Variants in NOTCH2NLB observed in about 807,000 individuals in gnomAD.
NOTCH2NLB encodes the protein notch 2 N-terminal like B.
NOTCH2NLB carries 1 observed loss-of-function variant against 14.8 expected under a neutral mutation model. The ratio of observed to expected loss-of-function variants is 0.07; its 90% CI spans 0.02 to 0.32. The LOEUF (loss-of-function observed/expected upper bound fraction) is 0.32, where lower values mean the gene tolerates loss of function less well. Among genes scored for constraint, NOTCH2NLB ranks in the 10% least tolerant of loss-of-function variants. The pLI is 1.00. For missense variants in NOTCH2NLB, 11 were observed against 155.0 expected, an observed-to-expected ratio of 0.07 and a Z score of 4.93; for synonymous variants, 6 against 57.5, an observed-to-expected ratio of 0.10 and a Z score of 4.05.
intron 1 of NOTCH2NLB, among the ~76,000 whole-genome samples, chr1:148,670,539 A>ATAT (rs1553341886): frequency 4.5e-4 from 42 of 93,400 alleles, no homozygotes; most frequent in African/African-American, 1.6e-3. Flanking sequence ...TAAAAAAAAA[A>ATAT]ATATATATAT....
At chr1:148,646,821 G>A (rs1664385428) in intron 1 of NOTCH2NLB, among the ~76,000 whole-genome samples, 1 of 149,310 alleles carries the variant, frequency 6.7e-6, no homozygotes, top group Non-Finnish European at 1.5e-5. Flanking sequence ...TATTTATTCA[G>A]GTTTATCAGC....
At position 148,629,590 on chromosome 1, in the gene NOTCH2NLB, CAG is replaced by C. The variant is rs1360609000; in HGVS notation, c.77+10424_77+10425del. On this transcript the variant is annotated intron_variant, in intron 2 of 4. Transcript: ENST00000593495. ...GGCCATGAGTTTCAGCAATACGAGA[CAG>C]AGAATCAGACAACACAAACATTGTA... Among the ~76,000 whole-genome samples, 5 of 116,902 alleles carry C rather than the reference CAG, an allele frequency of 4.3e-5. 1 individual carries two copies. The highest frequency in any genetic ancestry group is 1.6e-4 in the African/African-American group (4 of 25,468). The allele number at this position is 116,902 out of a possible 152,430, so 76.7% of individuals were successfully genotyped here.
chr1:148,610,373 G>GAAAA (rs1484773225), intron 3 of NOTCH2NLB, among the ~76,000 whole-genome samples: 1 of 89,188 alleles, frequency 1.1e-5, no homozygotes, highest in Non-Finnish European at 2.3e-5. Flanking sequence ...AAGAAAGAAA[G>GAAAA]AGAAAGAAAG....
intron 1 of NOTCH2NLB, among the ~76,000 whole-genome samples, chr1:148,670,139 A>G (rs1489964227): frequency 2.2e-5 from 2 of 92,404 alleles, no homozygotes; most frequent in African/African-American, 6.9e-5. Flanking sequence ...CCAAAGGATT[A>G]AAAAAAATTA....
At chr1:148,637,545 T>C (rs1664234854) in intron 2 of NOTCH2NLB, among the ~76,000 whole-genome samples, 1 of 147,844 alleles carries the variant, frequency 6.8e-6, no homozygotes, top group African/African-American at 2.5e-5. Flanking sequence ...TGTATGGTAT[T>C]ACCACCCTGA....
At chr1:148,660,518 C>G (rs1287145680) in intron 1 of NOTCH2NLB, among the ~76,000 whole-genome samples, 2 of 147,306 alleles carry the variant, frequency 1.4e-5, no homozygotes, top group African/African-American at 2.5e-5. Flanking sequence ...TCATGTGACT[C>G]TGCATTAGAT....
chr1:148,608,882 G>GA (rs1339993521), intron 3 of NOTCH2NLB, among the ~76,000 whole-genome samples: 7 of 141,554 alleles, frequency 4.9e-5, no homozygotes, highest in African/African-American at 1.9e-4. Flanking sequence ...TCTCAAGTAG[G>GA]AAAGTACCAG....
chr1:148,712,485 T>C, the NOTCH2NLB span, among the ~76,000 whole-genome samples: 4 of 152,304 alleles, frequency 2.6e-5, no homozygotes, highest in Non-Finnish European at 5.9e-5. Context: ...AGATCTACAA[T>C]GCTATCTCTT....
intron 1 of NOTCH2NLB, among the ~76,000 whole-genome samples, chr1:148,645,775 C>T (rs1315079937): frequency 2.0e-5 from 3 of 150,986 alleles, no homozygotes; most frequent in Admixed American, 6.6e-5. Context: ...CCCCACCCAT[C>T]CTTGTAACAC....
chr1:148,670,741 T>TA (rs1446166694), intron 1 of NOTCH2NLB, among the ~76,000 whole-genome samples: 1 of 100,100 alleles, frequency 1.0e-5, no homozygotes, highest in South Asian at 3.8e-4. Context: ...ATTACAAAAA[T>TA]AAAAAAATCT....
intron 2 of NOTCH2NLB, among the ~76,000 whole-genome samples, chr1:148,633,807 CAA>C (rs1167875756): frequency 4.8e-5 from 3 of 62,186 alleles, no homozygotes; most frequent in African/African-American, 2.9e-4. Flanking sequence ...TTAAATTTCA[CAA>C]GAGAGGCCTG....
chr1:148,615,333 A>T (rs1663779678), intron 3 of NOTCH2NLB, among the ~76,000 whole-genome samples: 1 of 38,960 alleles, frequency 2.6e-5, no homozygotes, highest in East Asian at 7.6e-4. Context: ...GTTTTTTTGT[A>T]GAGATGGGGT....
intron 2 of NOTCH2NLB, among the ~76,000 whole-genome samples, chr1:148,638,439 T>C (rs1664266285): frequency 6.7e-6 from 1 of 148,822 alleles, no homozygotes; most frequent in Non-Finnish European, 1.5e-5. Context: ...AGCAAGCAAC[T>C]AAGGCACCAA....
intron 2 of NOTCH2NLB, among the ~76,000 whole-genome samples, chr1:148,629,002 GCAAA>G (rs1212921118): frequency 2.5e-5 from 2 of 81,094 alleles, no homozygotes; most frequent in Non-Finnish European, 4.4e-5. Context: ...GCATAAGAAA[GCAAA>G]GAACAACCAA....
chr1:148,638,584 C>A (rs1243021479), intron 2 of NOTCH2NLB, among the ~76,000 whole-genome samples: 37 of 149,324 alleles, frequency 2.5e-4, no homozygotes, highest in African/African-American at 9.2e-4. Flanking sequence ...GCTAGAAAAA[C>A]TAAATGAGCA....
intron 2 of NOTCH2NLB, among the ~76,000 whole-genome samples, chr1:148,632,963 A>G (rs1406553451): frequency 8.3e-6 from 1 of 119,820 alleles, no homozygotes. Context: ...TCAGAAATGC[A>G]GTATTCACCA....
chr1:148,660,497 T>G (rs2149629544), intron 1 of NOTCH2NLB, among the ~76,000 whole-genome samples: 1 of 147,706 alleles, frequency 6.8e-6, no homozygotes, highest in African/African-American at 2.5e-5. Flanking sequence ...ATAGAAGACC[T>G]GGCTATGGAG....
chr1:148,637,993 C>G (rs1440367176), intron 2 of NOTCH2NLB, among the ~76,000 whole-genome samples: 1 of 147,662 alleles, frequency 6.8e-6, no homozygotes, highest in East Asian at 1.9e-4. Flanking sequence ...AGTCTATCAC[C>G]GTTGGGCATT....
chr1:148,610,378 A>G (rs1458308414), intron 3 of NOTCH2NLB, among the ~76,000 whole-genome samples: 2,794 of 118,918 alleles, frequency 0.023, 7 homozygotes, highest in East Asian at 0.028. Flanking sequence ...AGAAAGAGAA[A>G]GAAAGAAAGA....
Sources: gnomAD v4.1 joint callset for allele counts (sites outside exome capture counted in the v4.1 genomes callset) on GRCh38, gnomAD v4.1.1 for gene constraint, MANE v1.5 for transcripts, NCBI Gene and HGNC (gene_info 2026-07-23, HGNC 2026-07-21) for gene names.